BBOF1: variants seen among roughly 807,000 people sequenced by gnomAD.
The protein encoded by BBOF1 is basal body orientation factor 1.
In BBOF1, 62 loss-of-function variants were observed where a neutral mutation model predicts 68.0. That is an observed-to-expected ratio of 0.91 (90% CI 0.74 to 1.13). The LOEUF is 1.13. Among genes scored for constraint, BBOF1 ranks in the 50% most tolerant of loss-of-function variants. The pLI, the probability that BBOF1 is intolerant of heterozygous loss-of-function variation, is 0.00. For synonymous variants in BBOF1, 208 were observed against 198.8 expected (o/e 1.05, Z -0.39); for missense variants, 534 against 600.1 (o/e 0.89, Z 1.15).
intron 2 of BBOF1, among the ~76,000 whole-genome samples, chr14:74,026,522 C>A (rs1367345107): frequency 6.6e-6 from 1 of 151,210 alleles, no homozygotes; most frequent in African/African-American, 2.4e-5. Context: ...AGGACATGGC[C>A]TTGTTTGAAG....
chr14:74,056,034 ATT>A (rs202158412), intron 9 of BBOF1, among the ~76,000 whole-genome samples: 33 of 144,206 alleles, frequency 2.3e-4, no homozygotes, highest in East Asian at 2.2e-3. Flanking sequence ...AAAGATAAGT[ATT>A]TTTTTTTTTT....
At chr14:74,026,560 A>G (rs996624027) in intron 2 of BBOF1, among the ~76,000 whole-genome samples, 2 of 152,088 alleles carry the variant, frequency 1.3e-5, no homozygotes, top group Non-Finnish European at 2.9e-5. Flanking sequence ...ATCTGGGACA[A>G]TCAAAATATT....
intron 3 of BBOF1, among the ~76,000 whole-genome samples, chr14:74,029,906 T>C (rs2059526486): frequency 6.6e-6 from 1 of 152,144 alleles, no homozygotes; most frequent in Non-Finnish European, 1.5e-5. Context: ...TACTTAACTT[T>C]ATCTGTATCT....
intron 11 of BBOF1, chr14:74,057,849 T>C (rs2060252661): frequency 4.6e-5 from 48 of 1,035,758 alleles, no homozygotes; most frequent in Non-Finnish European, 5.5e-5. Flanking sequence ...CAGCAAATAG[T>C]TGGCCAGATG....
intron 11 of BBOF1, chr14:74,057,837 A>G: frequency 9.7e-7 from 1 of 1,035,194 alleles, no homozygotes. Context: ...AGAAACTCTG[A>G]GCAGCAAATA....
chr14:74,023,988 T>C (rs2059367463), intron 2 of BBOF1, among the ~76,000 whole-genome samples: 1 of 151,460 alleles, frequency 6.6e-6, no homozygotes, highest in African/African-American at 2.4e-5. Flanking sequence ...TTGGAGCCAC[T>C]ACAATGTACT....
At position 74,055,549 on chromosome 14, in the gene BBOF1, T is replaced by C. The variant is rs183325790; in HGVS notation, c.1287-35T>C. On this transcript the variant is annotated intron_variant, in intron 8 of 11. Coordinates refer to ENST00000394009, the MANE Select transcript of BBOF1 (RefSeq NM_025057.3). ...AGAGAAGCCTATTTGACCGTATTTT[T>C]CCTTTTCACATTTTTTTCCTTTGAA... 222 of 1,407,536 alleles carry C rather than the reference T, an allele frequency of 1.6e-4. 1 individual carries two copies. Among genetic ancestry groups the C allele is most frequent in the Admixed American group, 7.0e-4 (40 of 57,338 alleles). 87.2% of individuals were successfully genotyped at this position (1,407,536 alleles called of 1,614,324 possible).
At chr14:74,021,853 G>A (rs1356436911) in intron 1 of BBOF1, among the ~76,000 whole-genome samples, 1 of 151,902 alleles carries the variant, frequency 6.6e-6, no homozygotes, top group Non-Finnish European at 1.5e-5. Flanking sequence ...CTTGCAGTGA[G>A]CCGAGATCAC....
intron 4 of BBOF1, among the ~76,000 whole-genome samples, chr14:74,034,961 T>TAA (rs2059661492): frequency 6.6e-6 from 1 of 152,028 alleles, no homozygotes; most frequent in Non-Finnish European, 1.5e-5. Flanking sequence ...GCACAGTGGC[T>TAA]CGTGCGTATA....
At chr14:74,059,333 A>T in intron 11 of BBOF1, 1 of 455,978 alleles carries the variant, frequency 2.2e-6, no homozygotes, top group Non-Finnish European at 4.4e-6. Flanking sequence ...TGTCTTACCC[A>T]TTTTCATGGT....
At chr14:74,061,917 C>T (rs911985927) in intron 11 of BBOF1, among the ~76,000 whole-genome samples, 3 of 151,814 alleles carry the variant, frequency 2.0e-5, no homozygotes, top group African/African-American at 7.3e-5. Flanking sequence ...AATAATTAAA[C>T]TGGGGGGTGC....
At chr14:74,042,342 C>T (rs558699078) in intron 5 of BBOF1, among the ~76,000 whole-genome samples, 1 of 152,346 alleles carries the variant, frequency 6.6e-6, no homozygotes, top group East Asian at 1.9e-4. Context: ...AGGCTGTTCT[C>T]AGGAGCCTCT....
chr14:74,029,943 T>C (rs993940293), intron 3 of BBOF1, among the ~76,000 whole-genome samples: 2 of 152,166 alleles, frequency 1.3e-5, no homozygotes, highest in Non-Finnish European at 2.9e-5. Context: ...AAAGTCCTTA[T>C]TCTTACTGAT....
chr14:74,067,599 C>T (rs762238425), downstream of BBOF1: 4 of 1,609,582 alleles, frequency 2.5e-6, no homozygotes, highest in South Asian at 2.2e-5. Flanking sequence ...GCACATGAGT[C>T]TTCCTTGGCC....
In BBOF1 at chr14:74,055,608, T is replaced by C. The variant is rs2060179062; in HGVS notation, c.1311T>C (p.Asp437=). Residue 437 remains aspartate (D), a synonymous_variant, in exon 9 of 12, where the codon GAT becomes GAC. Coordinates refer to ENST00000394009, the MANE Select transcript of BBOF1 (RefSeq NM_025057.3). ...GGACACATATTGAAGGAAATGTGGA[T>C]ATTGGAGATTTGACCTGGGAGCAGA... ...EKWTHIEGNV[D]IGDLTWEQKE... The C allele has an allele frequency of 1.2e-6, 2 of 1,613,474 alleles. No homozygotes were observed. Among genetic ancestry groups the C allele is most frequent in the African/African-American group, 1.3e-5 (1 of 74,916 alleles).
intron 10 of BBOF1, among the ~76,000 whole-genome samples, chr14:74,080,368 C>CA: frequency 7.8e-6 from 1 of 128,978 alleles, no homozygotes; most frequent in Admixed American, 8.1e-5. Context: ...TAAACTCTTT[C>CA]TTTTTTTTTT....
chr14:74,076,135 G>A (rs2060610470), intron 9 of BBOF1, among the ~76,000 whole-genome samples: 1 of 152,152 alleles, frequency 6.6e-6, no homozygotes, highest in South Asian at 2.1e-4. Flanking sequence ...ATTTTCACAG[G>A]TGTATACAAA....
intron 11 of BBOF1, chr14:74,060,296 G>A: frequency 3.6e-6 from 1 of 280,778 alleles, no homozygotes; most frequent in Middle Eastern, 1.3e-3. Context: ...CACCGCGCCT[G>A]GCTGGAACAT....
rs115521528 is a variant in BBOF1 at position 74,077,387 on chromosome 14, G to C, written n.1380-809G>C. Among the ~76,000 whole-genome samples, 1,097 of 152,260 alleles carry C rather than the reference G, an allele frequency of 7.2e-3. 14 individuals carry two copies. Among genetic ancestry groups the C allele is most frequent in the African/African-American group, 0.025 (1,043 of 41,542 alleles). On this transcript the variant is annotated intron_variant and non_coding_transcript_variant, in intron 9 of 12. Transcript: ENST00000492026. ...TTTGTGTTGCTATAACAAAATACCT[G>C]AGACTGGGCAATTTATAAGGAAAAG...
Sources: allele counts gnomAD v4.1 joint callset (sites outside exome capture counted in the v4.1 genomes callset), GRCh38; gene constraint gnomAD v4.1.1; transcripts MANE v1.5; gene names NCBI Gene and HGNC (gene_info 2026-07-23, HGNC 2026-07-21).